The following SH3D19 variants were observed in gnomAD, a reference collection of about 807,000 sequenced individuals.
The protein encoded by SH3D19 is SH3 domain containing 19.
A neutral mutation model predicts 112.1 loss-of-function variants in SH3D19; 58 were observed. The observed-to-expected ratio is 0.52, with a 90% CI of 0.42 to 0.64. SH3D19 has a LOEUF of 0.64. Ranked by LOEUF, SH3D19 falls within the 30% of genes least tolerant of loss-of-function variation. The probability of loss-of-function intolerance (pLI) is 0.00; values close to 1 mark genes in which losing one functional copy is unlikely to be tolerated. For missense variants in SH3D19, 1,090 were observed against 1,263.4 expected (o/e 0.86, Z 2.08); for synonymous variants, 391 against 448.5 (o/e 0.87, Z 1.62).
intron 9 of SH3D19, among the ~76,000 whole-genome samples, chr4:151,155,306 TA>T (rs1232357926): frequency 6.6e-6 from 1 of 152,226 alleles, no homozygotes; most frequent in Non-Finnish European, 1.5e-5. Flanking sequence ...CCAGATTTAA[TA>T]AAAGTTTATT....
intron 1 of SH3D19, among the ~76,000 whole-genome samples, chr4:151,243,423 T>C (rs1770700796): frequency 6.6e-6 from 1 of 152,230 alleles, no homozygotes; most frequent in Non-Finnish European, 1.5e-5. Flanking sequence ...GGTAGTGAAA[T>C]TGTATAAGTT....
chr4:151,127,560 G>T, intron 19 of SH3D19, 58 bp downstream of exon 19: 1 of 1,056,266 alleles, frequency 9.5e-7, no homozygotes, highest in Non-Finnish European at 1.4e-6. Flanking sequence ...TCCTTCAATG[G>T]AAAACATTTA....
intron 17 of SH3D19, 87 bp downstream of exon 17, chr4:151,132,244 C>A: frequency 1.9e-6 from 2 of 1,049,884 alleles, no homozygotes; most frequent in Non-Finnish European, 1.4e-6. Context: ...TTAATTCATA[C>A]TATATTCTCT....
chr4:151,237,058 C>G (rs2149962939), intron 1 of SH3D19, among the ~76,000 whole-genome samples: 1 of 152,334 alleles, frequency 6.6e-6, no homozygotes, highest in African/African-American at 2.4e-5. Context: ...ATAAACCTTG[C>G]TGCTGCTCAC....
Position 151,159,226 on chromosome 4 carries a change from T to C in SH3D19, c.1755+14A>G. On this transcript the variant is annotated intron_variant, in intron 9 of 19. Coordinates refer to ENST00000604030, the MANE Select transcript of SH3D19 (RefSeq NM_001378122.1). ...TACGTCTTCAATCTAGTACAATCTA[T>C]AATGACCACTTACCAAGTTTCTAGT... The C allele has an allele frequency of 7.1e-7, 1 of 1,413,702 alleles. No individual in the cohort carries two copies. The highest frequency in any genetic ancestry group is 1.4e-5 in the South Asian group (1 of 72,336). 87.6% of individuals were successfully genotyped at this position (1,413,702 alleles called of 1,614,324 possible).
At chr4:151,179,209 ATAAGT>A in intron 4 of SH3D19, 141 bp downstream of exon 4, 1 of 435,812 alleles carries the variant, frequency 2.3e-6, no homozygotes, top group South Asian at 1.3e-4. Context: ...TTTCAAACTT[ATAAGT>A]TAATTCAGGA....
chr4:151,246,475 G>A (rs1460665392), intron 1 of SH3D19, among the ~76,000 whole-genome samples: 1 of 152,174 alleles, frequency 6.6e-6, no homozygotes, highest in African/African-American at 2.4e-5. Context: ...TTTCTGGAGA[G>A]TAATTTGGGC....
intron 1 of SH3D19, among the ~76,000 whole-genome samples, chr4:151,318,200 C>A (rs1486870768): frequency 1.3e-5 from 2 of 149,552 alleles, no homozygotes; most frequent in Non-Finnish European, 3.0e-5. Context: ...CCTTGGGAGG[C>A]CGAGGCAGGA....
At chr4:151,237,018 T>C (rs971228293) in intron 1 of SH3D19, among the ~76,000 whole-genome samples, 7 of 152,208 alleles carry the variant, frequency 4.6e-5, no homozygotes, top group African/African-American at 7.2e-5. Context: ...CCTTCCATAC[T>C]GTGGAAGCTT....
intron 7 of SH3D19, among the ~76,000 whole-genome samples, chr4:151,171,554 A>G (rs898413794): frequency 2.0e-5 from 3 of 152,042 alleles, no homozygotes; most frequent in African/African-American, 7.3e-5. Flanking sequence ...ATTATTCCAC[A>G]CCTGCTGGTG....
intron 1 of SH3D19, among the ~76,000 whole-genome samples, chr4:151,288,916 T>C (rs1032149644): frequency 1.3e-5 from 2 of 152,146 alleles, no homozygotes; most frequent in African/African-American, 2.4e-5. Context: ...AAACTGCATA[T>C]GGAAATTCAA....
At position 151,186,324 on chromosome 4, in the gene SH3D19, C is replaced by T. The variant is rs191098105; in HGVS notation, c.193+1099G>A. 2.4e-3 allele frequency among the ~76,000 whole-genome samples: 359 copies of T among 152,288 alleles called. 1 individual carries two copies. The highest frequency in any genetic ancestry group is 8.4e-3 in the African/African-American group (348 of 41,548). ...GGAATTCTACTCTTAGCACTTCTAT[C>T]TTGATATGGTAGTATAAGCCCGTCT... On this transcript the variant is annotated intron_variant, in intron 3 of 19. Transcript: ENST00000604030.
In SH3D19 at chr4:151,143,910, G is replaced by A. The variant is rs755489476; in HGVS notation, c.2223C>T (p.Asn741=). The change falls in exon 12 of 20, where the codon AAC becomes AAT. Residue 741 remains asparagine, a splice_region_variant and synonymous_variant. Coordinates refer to ENST00000604030, the MANE Select transcript of SH3D19 (RefSeq NM_001378122.1). The part of the protein sequence containing the change: ...PLDEHLRSRP[N]DPSHAQKPVD... Reference sequence around the variant, plus strand: ...GGCTGTAACAATATTAATTCCTTACGTTTGGTCTGCTTCTAAGATGTTCAT... The same window carrying A: ...GGCTGTAACAATATTAATTCCTTACATTTGGTCTGCTTCTAAGATGTTCAT... The A allele has an allele frequency of 3.7e-6, 6 of 1,611,734 alleles. No individual in the cohort carries two copies. Among genetic ancestry groups the A allele is most frequent in the African/African-American group, 1.3e-5 (1 of 74,800 alleles).
intron 9 of SH3D19, among the ~76,000 whole-genome samples, chr4:151,155,556 A>T (rs904099602): frequency 5.3e-5 from 8 of 152,000 alleles, no homozygotes; most frequent in African/African-American, 1.9e-4. Context: ...CTCTTAAAAC[A>T]AGCCTTAAAG....
chr4:151,227,322 T>TA (rs1352504085), intron 1 of SH3D19, among the ~76,000 whole-genome samples: 1 of 152,180 alleles, frequency 6.6e-6, no homozygotes, highest in African/African-American at 2.4e-5. Context: ...GAGTTCATAA[T>TA]AAAAAAGAAA....
rs1311952979 is a variant in SH3D19, at chr4:151,122,118, G to C, written c.3117C>G (p.Asn1039Lys). ...LMGKSGIFPK[N>K]YIQFLQIS ...AGCTGATCTGTAGAAACTGTATGTA[G>C]TTTTTGGGAAATATTCCAGATTTTC... is the stretch of plus-strand genomic sequence containing the variant. Residue 1039 changes from asparagine to lysine, a missense_variant, in exon 20 of 20, where the codon AAC (asparagine) becomes AAG (lysine). Coordinates refer to ENST00000604030, the MANE Select transcript of SH3D19 (RefSeq NM_001378122.1). 6.9e-6 allele frequency: 11 copies of C among 1,602,860 alleles called. No individual in the cohort carries two copies. Among genetic ancestry groups the C allele is most frequent in the Non-Finnish European group, 8.5e-6 (10 of 1,170,172 alleles).
intron 1 of SH3D19, among the ~76,000 whole-genome samples, chr4:151,252,475 A>G (rs1006089475): frequency 6.6e-6 from 1 of 151,986 alleles, no homozygotes; most frequent in African/African-American, 2.4e-5. Context: ...AGCCTACCTC[A>G]CCACTATCCT....
intron 7 of SH3D19, among the ~76,000 whole-genome samples, chr4:151,167,978 C>T (rs1386868671): frequency 6.6e-6 from 1 of 152,224 alleles, no homozygotes; most frequent in Non-Finnish European, 1.5e-5. Context: ...TTTCTGTCTT[C>T]CCCAAGTTTG....
intron 2 of SH3D19, among the ~76,000 whole-genome samples, chr4:151,210,976 C>T (rs1470590441): frequency 6.6e-6 from 1 of 152,002 alleles, no homozygotes; most frequent in Admixed American, 6.6e-5. Flanking sequence ...AGGCTTAACC[C>T]CCATCTCATC....
Sources: allele counts gnomAD v4.1 joint callset (sites outside exome capture counted in the v4.1 genomes callset), GRCh38; gene constraint gnomAD v4.1.1; transcripts MANE v1.5; gene names NCBI Gene and HGNC (gene_info 2026-07-23, HGNC 2026-07-21).